PTCHD4: variants seen among roughly 807,000 people sequenced by gnomAD.
The protein encoded by PTCHD4 is patched domain-containing protein 4.
PTCHD4 carries 33 observed loss-of-function variants against 58.1 expected under a neutral mutation model. The observed-to-expected ratio is 0.57, with a 90% CI of 0.43 to 0.76. The LOEUF (loss-of-function observed/expected upper bound fraction) is 0.76. Among genes scored for constraint, PTCHD4 ranks in the 30% least tolerant of loss-of-function variants. The pLI, the probability that PTCHD4 is intolerant of heterozygous loss-of-function variation, is 0.00. For missense variants in PTCHD4, 1,058 were observed against 1,027.1 expected (o/e 1.03, Z -0.41); for synonymous variants, 478 against 409.6 (o/e 1.17, Z -2.02).
chr6:48,004,863 G>A (rs556023869), intron 4 of PTCHD4, among the ~76,000 whole-genome samples: 4 of 152,252 alleles, frequency 2.6e-5, no homozygotes, highest in African/African-American at 7.2e-5. Flanking sequence ...GTTGCAGTGA[G>A]CCAAGATCAT....
rs868764129 is a variant in PTCHD4 at position 47,873,641 on chromosome 6, A to G, written c.*4662T>C. Among the ~76,000 whole-genome samples the G allele has an allele frequency of 2.0e-5, 3 of 151,650 alleles. No individual in the cohort carries two copies. The highest frequency in any genetic ancestry group is 6.6e-5 in the Admixed American group (1 of 15,186). ...TATTTTGTAGACAAAGTAGTAAAAAACTTGATTTTTCCCTATCCTATATAT... is the reference window on the plus strand; with the variant it reads ...TATTTTGTAGACAAAGTAGTAAAAAGCTTGATTTTTCCCTATCCTATATAT... On this transcript the variant is annotated 3_prime_UTR_variant, in exon 5 of 5. Transcript: ENST00000339488.
intron 4 of PTCHD4, among the ~76,000 whole-genome samples, chr6:47,935,931 G>A (rs549070302): frequency 6.6e-6 from 1 of 152,312 alleles, no homozygotes; most frequent in South Asian, 2.1e-4. Flanking sequence ...GGAGGACTTG[G>A]TATTTTATCA....
At chr6:48,034,654 A>G (rs1384827541) in intron 3 of PTCHD4, among the ~76,000 whole-genome samples, 1 of 152,050 alleles carries the variant, frequency 6.6e-6, no homozygotes, top group African/African-American at 2.4e-5. Flanking sequence ...TTTCACTGCT[A>G]TTTCTTTTAC....
At chr6:47,888,661 TTTA>T (rs1467342606) in intron 4 of PTCHD4, among the ~76,000 whole-genome samples, 1 of 152,134 alleles carries the variant, frequency 6.6e-6, no homozygotes, top group Non-Finnish European at 1.5e-5. Context: ...TTGTTTTTGT[TTTA>T]TTATTATTAT....
chr6:47,898,047 C>A (rs1476652785), intron 4 of PTCHD4, among the ~76,000 whole-genome samples: 2 of 142,458 alleles, frequency 1.4e-5, no homozygotes, highest in African/African-American at 5.1e-5. Flanking sequence ...TGGGTTCAAG[C>A]AATTCTCCTG....
chr6:47,985,962 G>A (rs1162729842), intron 4 of PTCHD4, among the ~76,000 whole-genome samples: 1 of 146,462 alleles, frequency 6.8e-6, no homozygotes, highest in Non-Finnish European at 1.5e-5. Context: ...AATTGTCTAT[G>A]TAAGCATATA....
Position 47,867,439 on chromosome 6 carries a change from C to G in PTCHD4, c.*10864G>C, listed in dbSNP as rs556198320. Among the ~76,000 whole-genome samples, 3 of 151,634 alleles carry G rather than the reference C, an allele frequency of 2.0e-5. No individual in the cohort carries two copies. Among genetic ancestry groups the G allele is most frequent in the Admixed American group, 6.6e-5 (1 of 15,182 alleles). On this transcript the variant is annotated 3_prime_UTR_variant, in exon 5 of 5. Transcript: ENST00000339488. ...GACTGTGTATTTACATTTTGTAAACCATTCACTGCATTTAAGCCCAAGGAT... is the reference window on the plus strand; with the variant it reads ...GACTGTGTATTTACATTTTGTAAACGATTCACTGCATTTAAGCCCAAGGAT...
intron 4 of PTCHD4, among the ~76,000 whole-genome samples, chr6:47,985,868 G>T (rs1259967401): frequency 6.6e-6 from 1 of 151,038 alleles, no homozygotes; most frequent in Non-Finnish European, 1.5e-5. Context: ...TGACTTGTTT[G>T]GTTTTTCAAC....
At chr6:47,893,798 A>G (rs779886871) in intron 4 of PTCHD4, among the ~76,000 whole-genome samples, 1 of 152,198 alleles carries the variant, frequency 6.6e-6, no homozygotes, top group African/African-American at 2.4e-5. Context: ...CCAGGCCTAG[A>G]GCAGAGTTTT....
chr6:48,048,593 C>A (rs1764121369), intron 3 of PTCHD4, among the ~76,000 whole-genome samples: 1 of 151,858 alleles, frequency 6.6e-6, no homozygotes, highest in Admixed American at 6.6e-5. Flanking sequence ...ATTTAGTAGG[C>A]CTTTTCCCTC....
chr6:47,907,745 C>T (rs1764942509), intron 4 of PTCHD4, among the ~76,000 whole-genome samples: 1 of 152,162 alleles, frequency 6.6e-6, no homozygotes, highest in Non-Finnish European at 1.5e-5. Flanking sequence ...TACCTCTGTT[C>T]CCCTGTGCTG....
rs1458826186 is a variant in PTCHD4, at chr6:48,069,144, G to A, written c.-187C>T. On this transcript the variant is annotated 5_prime_UTR_variant, in exon 2 of 5. Coordinates refer to ENST00000339488, the MANE Select transcript of PTCHD4 (RefSeq NM_001384253.1). ...AAGCAGACATGTGCCCCATAAAGGG[G>A]GGGGGGGCTGAGGGGGGGAGAGGAG... Among the ~76,000 whole-genome samples, 4 of 142,048 alleles carry A rather than the reference G, an allele frequency of 2.8e-5. 1 individual carries two copies. The highest frequency in any genetic ancestry group is 6.2e-5 in the Non-Finnish European group (4 of 64,664). 93.2% of individuals were successfully genotyped at this position (142,048 alleles called of 152,430 possible).
chr6:47,937,340 G>A (rs1766041587), intron 4 of PTCHD4, among the ~76,000 whole-genome samples: 1 of 152,140 alleles, frequency 6.6e-6, no homozygotes, highest in Non-Finnish European at 1.5e-5. Context: ...CAATGGAGAT[G>A]GTAAGAAGGG....
At chr6:48,084,918 T>C (rs1582124136) in intron 1 of PTCHD4, among the ~76,000 whole-genome samples, 2 of 151,880 alleles carry the variant, frequency 1.3e-5, no homozygotes, top group South Asian at 4.2e-4. Flanking sequence ...TGATTTTTTG[T>C]ATCTTAGTAG....
At chr6:48,025,879 G>C (rs535540553) in intron 3 of PTCHD4, among the ~76,000 whole-genome samples, 1 of 152,208 alleles carries the variant, frequency 6.6e-6, no homozygotes, top group African/African-American at 2.4e-5. Flanking sequence ...TGAAGGAATG[G>C]AATGGCACTC....
intron 4 of PTCHD4, among the ~76,000 whole-genome samples, chr6:47,957,839 C>G (rs1467377690): frequency 6.6e-6 from 1 of 151,938 alleles, no homozygotes; most frequent in Non-Finnish European, 1.5e-5. Context: ...CACCTTACCT[C>G]GTGATCTGCC....
At chr6:47,891,931 G>C (rs1764393532) in intron 4 of PTCHD4, among the ~76,000 whole-genome samples, 1 of 152,074 alleles carries the variant, frequency 6.6e-6, no homozygotes. Flanking sequence ...TTTGAGTATA[G>C]GAGTTATAAC....
chr6:48,043,385 C>T (rs929636843), intron 3 of PTCHD4, among the ~76,000 whole-genome samples: 1 of 151,794 alleles, frequency 6.6e-6, no homozygotes, highest in African/African-American at 2.4e-5. Context: ...ATTATTCACT[C>T]CCTATAAAAT....
intron 3 of PTCHD4, among the ~76,000 whole-genome samples, chr6:48,047,318 T>C (rs989104607): frequency 2.6e-5 from 4 of 151,836 alleles, no homozygotes; most frequent in Non-Finnish European, 5.9e-5. Flanking sequence ...AAACTTGCAT[T>C]GCTTTGATAA....
Sources: allele counts gnomAD v4.1 joint callset (sites outside exome capture counted in the v4.1 genomes callset), GRCh38; gene constraint gnomAD v4.1.1; transcripts MANE v1.5; gene names NCBI Gene and HGNC (gene_info 2026-07-23, HGNC 2026-07-21).